NRG3: variants seen among roughly 807,000 people sequenced by gnomAD.
NRG3 encodes pro-neuregulin-3, membrane-bound isoform.
In NRG3, 31 loss-of-function variants were observed where a neutral mutation model predicts 66.9. The ratio of observed to expected loss-of-function variants is 0.46; its 90% CI spans 0.35 to 0.63. The LOEUF (loss-of-function observed/expected upper bound fraction) is 0.63. NRG3 is among the 20% of genes least tolerant of loss of function. NRG3 has a pLI of 0.00. For synonymous variants in NRG3, 393 were observed against 359.4 expected (o/e 1.09, Z -1.06); for missense variants, 910 against 878.9 (o/e 1.04, Z -0.45).
At chr10:82,117,613 G>A (rs2067809520) in intron 1 of NRG3, among the ~76,000 whole-genome samples, 1 of 152,016 alleles carries the variant, frequency 6.6e-6, no homozygotes, top group African/African-American at 2.4e-5. Context: ...AGGAGAAGGA[G>A]CTTCCTGCCC....
At chr10:82,691,308 A>G (rs571093431) in intron 2 of NRG3, among the ~76,000 whole-genome samples, 1 of 152,316 alleles carries the variant, frequency 6.6e-6, no homozygotes, top group Admixed American at 6.5e-5. Context: ...CCCTGAGCCT[A>G]ACTGGTGCCT....
chr10:82,368,228 G>C (rs1380238111), intron 2 of NRG3, among the ~76,000 whole-genome samples: 1 of 137,702 alleles, frequency 7.3e-6, no homozygotes, highest in Non-Finnish European at 1.5e-5. Flanking sequence ...GCACAGCTTT[G>C]TTGACAGGTC....
chr10:82,191,588 A>G (rs1399671890), intron 1 of NRG3, among the ~76,000 whole-genome samples: 1 of 152,222 alleles, frequency 6.6e-6, no homozygotes, highest in African/African-American at 2.4e-5. Context: ...TGCAGGAGCC[A>G]TTAATAATGT....
intron 2 of NRG3, among the ~76,000 whole-genome samples, chr10:82,617,696 G>A (rs1161054034): frequency 2.0e-5 from 3 of 152,168 alleles, no homozygotes; most frequent in East Asian, 1.9e-4. Flanking sequence ...CAGTCAGGAC[G>A]AAGCAGTGGG....
intron 1 of NRG3, among the ~76,000 whole-genome samples, chr10:82,270,443 A>G (rs573604429): frequency 6.6e-6 from 1 of 152,106 alleles, no homozygotes; most frequent in South Asian, 2.1e-4. Context: ...TACTGAGGGC[A>G]CCTGGGCTGT....
At chr10:82,506,442 T>C (rs1022956744) in intron 2 of NRG3, among the ~76,000 whole-genome samples, 3 of 152,148 alleles carry the variant, frequency 2.0e-5, no homozygotes, top group African/African-American at 7.2e-5. Context: ...AGAAACTTTT[T>C]GTAGAGAAGT....
At chr10:82,102,543 T>C (rs183104320) in intron 1 of NRG3, among the ~76,000 whole-genome samples, 107 of 151,842 alleles carry the variant, frequency 7.0e-4, no homozygotes, top group Non-Finnish European at 1.0e-3. Flanking sequence ...GTTCCCACTT[T>C]CCTGCTTTTT....
At chr10:82,538,452 T>C (rs2043309435) in intron 2 of NRG3, among the ~76,000 whole-genome samples, 1 of 152,190 alleles carries the variant, frequency 6.6e-6, no homozygotes, top group East Asian at 1.9e-4. Flanking sequence ...CAGAGTTCTG[T>C]CTGCTTTTCC....
intron 2 of NRG3, among the ~76,000 whole-genome samples, chr10:82,418,419 T>C (rs1046538610): frequency 3.9e-5 from 6 of 152,176 alleles, no homozygotes; most frequent in African/African-American, 1.2e-4. Context: ...TTAACCAGTT[T>C]ATGCAAATGT....
intron 1 of NRG3, among the ~76,000 whole-genome samples, chr10:82,066,319 T>C (rs1274083809): frequency 6.6e-6 from 1 of 152,232 alleles, no homozygotes; most frequent in Non-Finnish European, 1.5e-5. Context: ...TTTCATGTAT[T>C]ATATATGCAT....
chr10:82,217,468 T>A (rs1170496398), intron 1 of NRG3, among the ~76,000 whole-genome samples: 2 of 152,244 alleles, frequency 1.3e-5, no homozygotes, highest in Non-Finnish European at 2.9e-5. Context: ...TGTTTTAATG[T>A]GCTCTTGAGG....
intron 2 of NRG3, among the ~76,000 whole-genome samples, chr10:82,691,216 C>T (rs950415647): frequency 7.9e-5 from 12 of 152,140 alleles, no homozygotes; most frequent in African/African-American, 2.9e-4. Context: ...GTCCCTACCC[C>T]ACTCTCTCAT....
chr10:82,608,562 G>A (rs951442788), intron 2 of NRG3, among the ~76,000 whole-genome samples: 22 of 152,094 alleles, frequency 1.4e-4, no homozygotes, highest in African/African-American at 5.1e-4. Context: ...GTGGTAAATT[G>A]TTTGGGGAGG....
At chr10:81,957,068 G>A (rs1200612663) in intron 1 of NRG3, among the ~76,000 whole-genome samples, 1 of 152,142 alleles carries the variant, frequency 6.6e-6, no homozygotes, top group African/African-American at 2.4e-5. Context: ...GTAACATGGT[G>A]CTTCTTGGAT....
chr10:82,559,577 C>T (rs952507513), intron 2 of NRG3, among the ~76,000 whole-genome samples: 3 of 152,162 alleles, frequency 2.0e-5, no homozygotes, highest in Non-Finnish European at 4.4e-5. Context: ...GCAGCTGGTA[C>T]GTTTCCTGCA....
At chr10:82,408,273 G>A (rs1415794313) in intron 2 of NRG3, among the ~76,000 whole-genome samples, 2 of 152,078 alleles carry the variant, frequency 1.3e-5, no homozygotes, top group Non-Finnish European at 1.5e-5. Context: ...GCCCCAAAAA[G>A]AGTATACATC....
intron 2 of NRG3, among the ~76,000 whole-genome samples, chr10:82,415,055 A>G (rs2088437684): frequency 6.6e-6 from 1 of 152,218 alleles, no homozygotes; most frequent in South Asian, 2.1e-4. Context: ...CTATTTCACC[A>G]AACAACTGAG....
intron 6 of NRG3, among the ~76,000 whole-genome samples, chr10:82,962,428 C>G (rs1360861508): frequency 1.3e-5 from 2 of 152,022 alleles, no homozygotes; most frequent in African/African-American, 4.8e-5. Context: ...AAATTGTATA[C>G]CCTTCATACC....
chr10:82,815,674 G>A (rs1276457319), intron 3 of NRG3, among the ~76,000 whole-genome samples: 2 of 152,060 alleles, frequency 1.3e-5, no homozygotes, highest in African/African-American at 4.8e-5. Flanking sequence ...GAGGTTCACA[G>A]AGGTTTCAGC....
Sources: gnomAD v4.1 joint callset for allele counts (sites outside exome capture counted in the v4.1 genomes callset) on GRCh38, gnomAD v4.1.1 for gene constraint, MANE v1.5 for transcripts, NCBI Gene and HGNC (gene_info 2026-07-23, HGNC 2026-07-21) for gene names.